PCLO: variants seen among roughly 807,000 people sequenced by gnomAD.
The protein encoded by PCLO is protein piccolo.
A neutral mutation model predicts 427.5 loss-of-function variants in PCLO; 82 were observed. The ratio of observed to expected loss-of-function variants is 0.19; its 90% CI spans 0.16 to 0.23. PCLO has a LOEUF of 0.23. Ranked by LOEUF, PCLO falls within the 10% of genes least tolerant of loss-of-function variation. The probability of loss-of-function intolerance (pLI) is 1.00; values close to 1 mark genes in which losing one functional copy is unlikely to be tolerated. For missense variants in PCLO, 6,239 were observed against 6,115.9 expected (o/e 1.02, Z -0.67); for synonymous variants, 2,357 against 2,155.4 (o/e 1.09, Z -2.59).
In PCLO at chr7:83,107,155, C is replaced by T. The variant is rs192692243; in HGVS notation, c.3300+27095G>A. Among the ~76,000 whole-genome samples the T allele has an allele frequency of 5.3e-4, 80 of 152,188 alleles. 1 individual carries two copies. The highest frequency in any genetic ancestry group is 4.3e-3 in the Admixed American group (66 of 15,284). On this transcript the variant is annotated intron_variant, in intron 3 of 24. Coordinates refer to ENST00000333891, the MANE Select transcript of PCLO (RefSeq NM_033026.6). ...CAGGGTGTTGGTGTACAAATTATTG[C>T]ACCGCCCGGGTGATAAGCATAGTAC...
chr7:83,156,216 G>T lies in PCLO; in HGVS notation c.425C>A (p.Thr142Asn). The change falls in exon 2 of 25, where the codon ACT (threonine) becomes AAT (asparagine). Residue 142 changes from threonine to asparagine, a missense_variant. Thr to Asn is a moderately conservative substitution (Grantham distance 65, BLOSUM62 0). Transcript: ENST00000333891. ...TISLKESKSR[T>N]DLKEEHKSSM... is the part of the protein sequence containing the mutation. ...AGACTTGTGCTCTTCCTTTAAATCA[G>T]TTCTGGACTTTGATTCTTTCAAGCT... The T allele has an allele frequency of 2.5e-6, 4 of 1,613,802 alleles. No homozygotes were observed. Among genetic ancestry groups the T allele is most frequent in the Middle Eastern group, 3.3e-4 (2 of 6,062 alleles).
At chr7:83,152,838 T>G (rs575597490) in intron 2 of PCLO, among the ~76,000 whole-genome samples, 2 of 152,228 alleles carry the variant, frequency 1.3e-5, no homozygotes, top group African/African-American at 2.4e-5. Flanking sequence ...TTCTTGTGCA[T>G]GTATTATCTC....
intron 3 of PCLO, among the ~76,000 whole-genome samples, chr7:83,119,658 T>C (rs991788589): frequency 1.3e-5 from 2 of 151,522 alleles, no homozygotes; most frequent in Admixed American, 6.6e-5. Context: ...ATAAAAAACA[T>C]CCAGGAAAAA....
chr7:83,111,935 T>C (rs777663675), intron 3 of PCLO, among the ~76,000 whole-genome samples: 4 of 152,206 alleles, frequency 2.6e-5, no homozygotes, highest in South Asian at 2.1e-4. Flanking sequence ...AATGATATGA[T>C]TGCTTATTTT....
intron 3 of PCLO, among the ~76,000 whole-genome samples, chr7:83,076,341 C>T (rs574891779): frequency 3.3e-5 from 5 of 152,036 alleles, no homozygotes; most frequent in South Asian, 2.1e-4. Context: ...AAGATCTCTG[C>T]AACCTCCAGC....
intron 13 of PCLO, among the ~76,000 whole-genome samples, chr7:82,844,417 T>C (rs1235433891): frequency 3.3e-5 from 5 of 152,178 alleles, no homozygotes. Context: ...ACTTTTGTTG[T>C]TTGCTTCTGA....
chr7:82,957,004 T>C, intron 4 of PCLO, 69 bp from the exon 5 acceptor site: 2 of 1,419,302 alleles, frequency 1.4e-6, no homozygotes, highest in Non-Finnish European at 1.8e-6. Flanking sequence ...TCTCCATTAC[T>C]ACCAAATAAC....
In PCLO at chr7:82,801,605, A is replaced by G. The variant is rs766578384; in HGVS notation, c.14934-14T>C. 8.1e-6 allele frequency: 12 copies of G among 1,484,396 alleles called. No homozygotes were observed. In the African/African-American group the frequency reaches 1.2e-4, roughly 15 times the overall value. 92.0% of individuals were successfully genotyped at this position (1,484,396 alleles called of 1,614,324 possible). A position where few individuals can be genotyped will look rare whatever the true frequency, so the allele number is the denominator to read the frequency against. On this transcript the variant is annotated splice_polypyrimidine_tract_variant and intron_variant, in intron 21 of 24. Coordinates refer to ENST00000333891, the MANE Select transcript of PCLO (RefSeq NM_033026.6). Reference sequence around the variant, plus strand: ...CCCATCTTCCCTCTGTTTAGAAATAAAATAAAATGATATATTCAGTTATGA... The same window carrying G: ...CCCATCTTCCCTCTGTTTAGAAATAGAATAAAATGATATATTCAGTTATGA...
intron 22 of PCLO, among the ~76,000 whole-genome samples, chr7:82,775,208 G>T (rs1435625476): frequency 6.6e-6 from 1 of 152,248 alleles, no homozygotes; most frequent in East Asian, 1.9e-4. Context: ...TCCATGGGCA[G>T]GTTTTTTTGT....
intron 6 of PCLO, among the ~76,000 whole-genome samples, chr7:82,934,303 G>A (rs1163253233): frequency 6.6e-6 from 1 of 151,710 alleles, no homozygotes; most frequent in Admixed American, 6.6e-5. Flanking sequence ...AGCAAGATAA[G>A]TATTCTAAAT....
At chr7:82,835,419 T>C (rs908402235) in intron 16 of PCLO, among the ~76,000 whole-genome samples, 5 of 152,210 alleles carry the variant, frequency 3.3e-5, no homozygotes, top group African/African-American at 9.6e-5. Context: ...ATGGTAATAA[T>C]ATTTTTTTCA....
intron 9 of PCLO, among the ~76,000 whole-genome samples, chr7:82,895,645 G>A (rs1163181200): frequency 2.0e-5 from 3 of 151,838 alleles, no homozygotes; most frequent in Non-Finnish European, 2.9e-5. Flanking sequence ...TTCACTGTGT[G>A]ACCTAAGAGA....
chr7:83,091,417 GATAA>G (rs1385159160), intron 3 of PCLO, among the ~76,000 whole-genome samples: 1 of 152,070 alleles, frequency 6.6e-6, no homozygotes, highest in Non-Finnish European at 1.5e-5. Flanking sequence ...AAGGGCTTAG[GATAA>G]ATAAAGTTTT....
At chr7:83,112,938 C>A (rs1366510824) in intron 3 of PCLO, among the ~76,000 whole-genome samples, 2 of 152,134 alleles carry the variant, frequency 1.3e-5, no homozygotes, top group Admixed American at 1.3e-4. Context: ...CATCAAAATT[C>A]ATTTCATTAA....
intron 3 of PCLO, among the ~76,000 whole-genome samples, chr7:83,106,651 TTA>T (rs1256990970): frequency 1.3e-5 from 2 of 152,294 alleles, no homozygotes; most frequent in Non-Finnish European, 2.9e-5. Flanking sequence ...AATCAAAATT[TTA>T]TATGAAATAA....
intron 22 of PCLO, 86 bp from the exon 23 acceptor site, chr7:82,761,579 A>G (rs1322294856): frequency 1.4e-5 from 13 of 947,852 alleles, no homozygotes; most frequent in Admixed American, 2.4e-5. Flanking sequence ...ACATTCATTT[A>G]CTCTTTATCA....
chr7:82,765,056 T>A (rs993151482), intron 22 of PCLO, among the ~76,000 whole-genome samples: 8 of 152,036 alleles, frequency 5.3e-5, no homozygotes, highest in African/African-American at 1.7e-4. Context: ...TTCTATAAAA[T>A]GAAGCTATTA....
chr7:82,852,264 T>C (rs550708473), intron 10 of PCLO, among the ~76,000 whole-genome samples: 1 of 152,230 alleles, frequency 6.6e-6, no homozygotes, highest in East Asian at 1.9e-4. Flanking sequence ...CTTGATTGGA[T>C]TGAAGGATGC....
chr7:82,858,903 G>T (rs1455358144), intron 10 of PCLO, among the ~76,000 whole-genome samples: 1 of 152,116 alleles, frequency 6.6e-6, no homozygotes, highest in Non-Finnish European at 1.5e-5. Flanking sequence ...GTGATCTGCA[G>T]ATTAAATGCA....
Sources: gnomAD v4.1 joint callset for allele counts (sites outside exome capture counted in the v4.1 genomes callset) on GRCh38, gnomAD v4.1.1 for gene constraint, MANE v1.5 for transcripts, NCBI Gene and HGNC (gene_info 2026-07-23, HGNC 2026-07-21) for gene names.